Variants in ATP11A observed in about 807,000 individuals in gnomAD.
ATP11A encodes the protein phospholipid-transporting ATPase IH.
Under a neutral mutation model 154.4 loss-of-function variants are expected in ATP11A, and 81 were observed. The ratio of observed to expected loss-of-function variants is 0.52; its 90% CI spans 0.44 to 0.63. The LOEUF is 0.63. Ranked by LOEUF, ATP11A falls within the 30% of genes least tolerant of loss-of-function variation. The probability of loss-of-function intolerance (pLI) is 0.00; values close to 1 mark genes in which losing one functional copy is unlikely to be tolerated. For synonymous variants in ATP11A, 623 were observed against 585.9 expected, an observed-to-expected ratio of 1.06 and a Z score of -0.91; for missense variants, 1,316 against 1,474.3, an observed-to-expected ratio of 0.89 and a Z score of 1.76.
chr13:112,804,873 C>A, intron 2 of ATP11A, 84 bp from the exon 3 acceptor site: 1 of 729,668 alleles, frequency 1.4e-6, no homozygotes, highest in Non-Finnish European at 2.2e-6. Context: ...CTGTAAAATC[C>A]AGTGCTACTT....
intron 24 of ATP11A, among the ~76,000 whole-genome samples, 187 bp from the exon 25 acceptor site, chr13:112,862,253 G>A (rs1230002564): frequency 6.6e-6 from 1 of 152,256 alleles, no homozygotes; most frequent in Non-Finnish European, 1.5e-5. Flanking sequence ...AAGGACATGA[G>A]TGGGTAGTGA....
intron 2 of ATP11A, among the ~76,000 whole-genome samples, chr13:112,795,411 GA>G (rs2077974657): frequency 6.6e-6 from 1 of 152,126 alleles, no homozygotes; most frequent in South Asian, 2.1e-4. Context: ...CCATAGAGAG[GA>G]GCATTGTAAA....
chr13:112,808,937 G>A (rs543660002), intron 4 of ATP11A, among the ~76,000 whole-genome samples: 3 of 152,288 alleles, frequency 2.0e-5, no homozygotes, highest in Admixed American at 6.5e-5. Flanking sequence ...CTCCCTCACC[G>A]CTGGGCATTC....
chr13:112,767,691 A>G (rs1308333058), intron 1 of ATP11A, among the ~76,000 whole-genome samples: 1 of 152,122 alleles, frequency 6.6e-6, no homozygotes. Context: ...CCAGTCTCAC[A>G]ATAAAAAGTT....
intron 21 of ATP11A, 94 bp from the exon 22 acceptor site, chr13:112,858,051 C>G (rs2079984089): frequency 6.3e-7 from 1 of 1,575,650 alleles, no homozygotes; most frequent in East Asian, 2.3e-5. Context: ...CGGGAAGGCT[C>G]ATGATGATGG....
chr13:112,794,296 G>GCGA (rs1344110861), intron 2 of ATP11A, among the ~76,000 whole-genome samples: 6 of 152,190 alleles, frequency 3.9e-5, no homozygotes, highest in Non-Finnish European at 5.9e-5. Flanking sequence ...ACAACGATGA[G>GCGA]CGAAGGATAA....
chr13:112,858,979 A>T (rs1291701050), intron 22 of ATP11A: 2 of 264,364 alleles, frequency 7.6e-6, no homozygotes, highest in Non-Finnish European at 1.5e-5. Context: ...CCTGAGGATG[A>T]GGAGGGCCTG....
At chr13:112,708,123 A>G (rs1192884649) in intron 1 of ATP11A, among the ~76,000 whole-genome samples, 1 of 148,420 alleles carries the variant, frequency 6.7e-6, no homozygotes, top group East Asian at 2.0e-4. Context: ...CTGACCTCTC[A>G]CCAACCAGCT....
chr13:112,805,497 T>C (rs993780467), intron 3 of ATP11A, among the ~76,000 whole-genome samples: 1 of 151,986 alleles, frequency 6.6e-6, no homozygotes, highest in Non-Finnish European at 1.5e-5. Context: ...CCAGCATGGC[T>C]AAACCCTGTC....
At chr13:112,796,212 C>T (rs570355366) in intron 2 of ATP11A, among the ~76,000 whole-genome samples, 4 of 152,270 alleles carry the variant, frequency 2.6e-5, no homozygotes, top group East Asian at 1.9e-4. Flanking sequence ...GAGCTCTTGC[C>T]TTTTGGTTCT....
intron 10 of ATP11A, 135 bp from the exon 11 acceptor site, chr13:112,825,295 T>C: frequency 1.1e-6 from 1 of 947,156 alleles, no homozygotes; most frequent in Non-Finnish European, 1.5e-6. Flanking sequence ...CCCACCGTGG[T>C]GCGTTGAGGG....
chr13:112,755,256 T>A (rs1189528009), intron 1 of ATP11A, among the ~76,000 whole-genome samples: 1 of 152,196 alleles, frequency 6.6e-6, no homozygotes, highest in Admixed American at 6.5e-5. Flanking sequence ...TCTGTGGGCC[T>A]CTGCTTCACA....
rs1354168507 is a variant in ATP11A at position 112,697,321 on chromosome 13, AT to A, written c.39+6869del. Among the ~76,000 whole-genome samples, 1 of 152,042 alleles carries A rather than the reference AT, an allele frequency of 6.6e-6. No individual in the cohort carries two copies. Among genetic ancestry groups the A allele is most frequent in the African/African-American group, 2.4e-5 (1 of 41,396 alleles). ...TGCTACACGCCACCCAGCCGTGTTCATTTCCGTGTTCCAGTGTCACCCGTGT... is the reference window on the plus strand; with the variant it reads ...TGCTACACGCCACCCAGCCGTGTTCATTCCGTGTTCCAGTGTCACCCGTGT... On this transcript the variant is annotated intron_variant, in intron 1 of 29. Transcript: ENST00000375645. This position sits in a 1 kb window ranked among gnomAD's most constrained non-coding sequence, Gnocchi z 4.0.
intron 1 of ATP11A, among the ~76,000 whole-genome samples, chr13:112,749,882 A>G (rs576722247): frequency 4.3e-5 from 6 of 139,536 alleles, no homozygotes; most frequent in African/African-American, 1.4e-4. Context: ...CGCCTGCTGA[A>G]GGACGCGGGG....
chr13:112,802,552 C>CAA lies in ATP11A; in HGVS notation c.163-2385_163-2384dup, dbSNP rs35889771. Among the ~76,000 whole-genome samples the CAA allele has an allele frequency of 9.8e-3, 795 of 80,850 alleles. 13 individuals are homozygous for CAA. Among genetic ancestry groups the CAA allele is most frequent in the African/African-American group, 0.033 (692 of 21,278 alleles). The allele number at this position is 80,850 out of a possible 152,430, so 53.0% of individuals were successfully genotyped here. ...AATAGTGCTAGAAAAACTGGACATGCAAAAAAAAAAAAAAAAAAAAACCCA... is the reference window on the plus strand; with the variant it reads ...AATAGTGCTAGAAAAACTGGACATGCAAAAAAAAAAAAAAAAAAAAAAACCCA... On this transcript the variant is annotated intron_variant, in intron 2 of 29. Coordinates refer to ENST00000375645, the MANE Select transcript of ATP11A (RefSeq NM_015205.3).
intron 1 of ATP11A, among the ~76,000 whole-genome samples, chr13:112,781,270 C>T (rs1370897966): frequency 6.6e-6 from 1 of 152,042 alleles, no homozygotes; most frequent in East Asian, 1.9e-4. Flanking sequence ...GAACTCCTGG[C>T]CTCAAGCGCT....
rs1353999520 is a variant in ATP11A at position 112,859,867 on chromosome 13, TCCGGGAGGGGTGAAGGACTCC to T, written c.2728-414_2728-394del. 2.0e-5 allele frequency among the ~76,000 whole-genome samples: 3 copies of T among 152,134 alleles called. No homozygotes were observed. The highest frequency in any genetic ancestry group is 7.2e-5 in the African/African-American group (3 of 41,422). On this transcript the variant is annotated intron_variant, in intron 23 of 29. Transcript: ENST00000375645. The surrounding 1 kb of genome is among the most constrained non-coding windows in gnomAD (Gnocchi z 4.3). ...CCATAGGGGAAGAAGACAGTTCCCA[TCCGGGAGGGGTGAAGGACTCC>T]CCGGGCATCTGCCCTAGATGGACAC...
chr13:112,744,185 G>A (rs1243514834), intron 1 of ATP11A, among the ~76,000 whole-genome samples: 3 of 152,206 alleles, frequency 2.0e-5, no homozygotes, highest in African/African-American at 4.8e-5. Flanking sequence ...CCAGCACCCG[G>A]TTTGGGACGG....
chr13:112,693,417 G>C (rs1188947542), intron 1 of ATP11A, among the ~76,000 whole-genome samples: 1 of 151,256 alleles, frequency 6.6e-6, no homozygotes. Flanking sequence ...TGCTGTCGGG[G>C]GCGTGAGGTG....
Sources: allele counts gnomAD v4.1 joint callset (sites outside exome capture counted in the v4.1 genomes callset), GRCh38; gene constraint gnomAD v4.1.1; non-coding constraint Gnocchi (gnomAD v3.1); transcripts MANE v1.5; gene names NCBI Gene and HGNC (gene_info 2026-07-23, HGNC 2026-07-21).